The following RAPGEF4 variants were observed in gnomAD, a reference collection of about 807,000 sequenced individuals.
RAPGEF4 encodes the protein RAP guanine-nucleotide-exchange factor (GEF) 4.
Under a neutral mutation model 147.9 loss-of-function variants are expected in RAPGEF4, and 66 were observed. That is an observed-to-expected ratio of 0.45 (90% confidence interval 0.37 to 0.55). RAPGEF4 has a LOEUF of 0.55. Among genes scored for constraint, RAPGEF4 ranks in the 20% least tolerant of loss-of-function variants. RAPGEF4 has a pLI of 0.00. For synonymous variants in RAPGEF4, 419 were observed against 442.7 expected, an observed-to-expected ratio of 0.95 and a Z score of 0.67; for missense variants, 1,071 against 1,257.3, an observed-to-expected ratio of 0.85 and a Z score of 2.24.
chr2:172,815,850 A>T (rs1688451694), intron 4 of RAPGEF4, among the ~76,000 whole-genome samples: 1 of 152,216 alleles, frequency 6.6e-6, no homozygotes, highest in African/African-American at 2.4e-5. Flanking sequence ...ACCTGTGAAC[A>T]TTAAAACAAA....
chr2:173,035,582 G>T (rs1476302287), intron 27 of RAPGEF4, among the ~76,000 whole-genome samples: 7 of 151,664 alleles, frequency 4.6e-5, no homozygotes, highest in Non-Finnish European at 7.4e-5. Context: ...GAACTCCTAG[G>T]CTCAAGCGAT....
At chr2:172,763,681 A>G (rs1490905461) in intron 1 of RAPGEF4, among the ~76,000 whole-genome samples, 1 of 152,208 alleles carries the variant, frequency 6.6e-6, no homozygotes, top group Non-Finnish European at 1.5e-5. Context: ...CGACTCAGTG[A>G]TATATGGATT....
Position 172,823,077 on chromosome 2 carries a change from A to C in RAPGEF4, c.444+8652A>C, listed in dbSNP as rs577029985. Reference sequence around the variant, plus strand: ...TACTCTAAGAAAGATCCAGCGTGCTAAAGGACAGGGGCAGAGCAAGAAGAG... The same window carrying C: ...TACTCTAAGAAAGATCCAGCGTGCTCAAGGACAGGGGCAGAGCAAGAAGAG... On this transcript the variant is annotated intron_variant, in intron 4 of 30. Transcript: ENST00000397081. 4.6e-5 allele frequency among the ~76,000 whole-genome samples: 7 copies of C among 152,334 alleles called. No homozygotes were observed. The East Asian group carries it at 1.3e-3, about 29-fold the overall frequency.
intron 4 of RAPGEF4, among the ~76,000 whole-genome samples, chr2:172,908,608 G>A (rs181868766): frequency 6.6e-6 from 1 of 152,300 alleles, no homozygotes; most frequent in African/African-American, 2.4e-5. Context: ...GTTTAGAGAT[G>A]ATCTAATCTT....
chr2:172,912,895 T>A (rs1267994782), intron 4 of RAPGEF4, among the ~76,000 whole-genome samples: 25 of 1,372 alleles, frequency 0.018, no homozygotes, highest in African/African-American at 0.029. Flanking sequence ...CCCTCACTCT[T>A]TTTTTTTTTT....
chr2:172,829,843 G>A lies in RAPGEF4; in HGVS notation c.444+15418G>A, dbSNP rs902829774. Reference sequence around the variant, plus strand: ...TTAGTCCTCTGGCAGGTAGGTCTGCGTTTGGAGGGTCAGCAAAGAGGGATG... The same window carrying A: ...TTAGTCCTCTGGCAGGTAGGTCTGCATTTGGAGGGTCAGCAAAGAGGGATG... On this transcript the variant is annotated intron_variant, in intron 4 of 30. Transcript: ENST00000397081. Among the ~76,000 whole-genome samples, 13 of 150,412 alleles carry A rather than the reference G, an allele frequency of 8.6e-5. No individual in the cohort carries two copies. In the East Asian group the frequency reaches 1.9e-3, roughly 22 times the overall value.
At chr2:172,855,241 C>T (rs1201200159) in intron 4 of RAPGEF4, among the ~76,000 whole-genome samples, 3 of 152,130 alleles carry the variant, frequency 2.0e-5, no homozygotes, top group African/African-American at 7.2e-5. Flanking sequence ...CTGGGGATTA[C>T]CACATCTATT....
At chr2:172,844,889 A>G (rs1485290473) in intron 4 of RAPGEF4, among the ~76,000 whole-genome samples, 2 of 152,226 alleles carry the variant, frequency 1.3e-5, no homozygotes, top group Non-Finnish European at 2.9e-5. Flanking sequence ...CCTAACTTTC[A>G]ACGTACAACA....
At chr2:172,957,081 G>C (rs888570376) in intron 6 of RAPGEF4, among the ~76,000 whole-genome samples, 1 of 152,182 alleles carries the variant, frequency 6.6e-6, no homozygotes, top group South Asian at 2.1e-4. Context: ...GTTATTGGCT[G>C]TGTGAGCACA....
intron 29 of RAPGEF4, among the ~76,000 whole-genome samples, chr2:173,046,358 C>T (rs1037580525): frequency 4.6e-5 from 7 of 152,046 alleles, no homozygotes; most frequent in Admixed American, 1.3e-4. Flanking sequence ...AAACCAAAGT[C>T]AGAATGAAAT....
Position 172,883,356 on chromosome 2 carries a change from C to T in RAPGEF4, c.445-34446C>T, listed in dbSNP as rs190867563. 2.6e-5 allele frequency among the ~76,000 whole-genome samples: 4 copies of T among 152,036 alleles called. No individual in the cohort carries two copies. In the East Asian group the frequency reaches 5.8e-4, roughly 22 times the overall value. ...GAGGGCAGGAGATCCAACTCACAGC[C>T]TCAAGCTCCTTTTACAATCAGGATT... On this transcript the variant is annotated intron_variant, in intron 4 of 30. Transcript: ENST00000397081.
chr2:173,017,450 A>C lies in RAPGEF4; in HGVS notation c.1954A>C (p.Asn652His). 1 of 1,614,170 alleles carries C rather than the reference A, an allele frequency of 6.2e-7. No homozygotes were observed. Among genetic ancestry groups the C allele is most frequent in the South Asian group, 1.1e-5 (1 of 91,076 alleles). ...GCACAAGGTTCTTTTGCAACAGTTC[A>C]ATACGGGCGATGAGAGAGCCCAGAA... ...KKHKVLLQQF[N>H]TGDERAQKRQ... The change falls in exon 21 of 31, where the codon AAT (asparagine) becomes CAT (histidine). Residue 652 changes from asparagine (N) to histidine (H), a missense_variant. Coordinates refer to ENST00000397081, the MANE Select transcript of RAPGEF4 (RefSeq NM_007023.4).
At position 172,968,513 on chromosome 2, in the gene RAPGEF4, G is replaced by C. The variant is rs745769032; in HGVS notation, c.1004+1069G>C. ...GATTCTTTGACTTGCCCTTACTCAG[G>C]GTTGTCCCCTTTGTCAAAACTTTCT... On this transcript the variant is annotated intron_variant, in intron 10 of 30. Coordinates refer to ENST00000397081, the MANE Select transcript of RAPGEF4 (RefSeq NM_007023.4). 2.4e-4 allele frequency among the ~76,000 whole-genome samples: 37 copies of C among 152,010 alleles called. 1 individual carries two copies. The highest frequency in any genetic ancestry group is 2.9e-4 in the Non-Finnish European group (20 of 68,008).
chr2:172,936,131 G>A (rs1476352030), intron 6 of RAPGEF4, among the ~76,000 whole-genome samples: 3 of 152,148 alleles, frequency 2.0e-5, no homozygotes, highest in Admixed American at 2.0e-4. Context: ...CACTTTGGGA[G>A]GCCGAGGTGG....
At chr2:172,738,677 G>A (rs1694029849) in intron 1 of RAPGEF4, among the ~76,000 whole-genome samples, 1 of 152,144 alleles carries the variant, frequency 6.6e-6, no homozygotes, top group African/African-American at 2.4e-5. Flanking sequence ...TTTCAACCCT[G>A]CACAAAAGAG....
intron 1 of RAPGEF4, among the ~76,000 whole-genome samples, chr2:172,768,801 C>G (rs1172919461): frequency 6.6e-6 from 1 of 152,228 alleles, no homozygotes; most frequent in Non-Finnish European, 1.5e-5. Flanking sequence ...CAAAAGACTG[C>G]TGCATATTGT....
chr2:172,901,506 A>G (rs777635586), intron 4 of RAPGEF4, among the ~76,000 whole-genome samples: 1 of 152,250 alleles, frequency 6.6e-6, no homozygotes, highest in Non-Finnish European at 1.5e-5. Context: ...TTCATGCATT[A>G]GGCTGATTTT....
intron 6 of RAPGEF4, among the ~76,000 whole-genome samples, chr2:172,946,844 C>A (rs1687727070): frequency 1.3e-5 from 2 of 152,178 alleles, no homozygotes; most frequent in Admixed American, 6.5e-5. Flanking sequence ...CCTTGAGAAG[C>A]CCCACCTGCT....
rs139435678 is a variant in RAPGEF4, at chr2:173,019,118, G to T, written c.2155+316G>T. ...GGCCTTGGAGCCCTGAAAAATATGG[G>T]CCCCAAGAGGAAATCTAGCTGGACA... On this transcript the variant is annotated intron_variant, in intron 22 of 30. Transcript: ENST00000397081. 3.3e-3 allele frequency among the ~76,000 whole-genome samples: 510 copies of T among 152,248 alleles called. 8 individuals are homozygous for T. Among genetic ancestry groups the T allele is most frequent in the Admixed American group, 0.027 (418 of 15,296 alleles).
Sources: allele counts gnomAD v4.1 joint callset (sites outside exome capture counted in the v4.1 genomes callset), GRCh38; gene constraint gnomAD v4.1.1; transcripts MANE v1.5; gene names NCBI Gene and HGNC (gene_info 2026-07-23, HGNC 2026-07-21).